The following HEATR6 variants were observed in gnomAD, a reference collection of about 807,000 sequenced individuals.
The protein encoded by HEATR6 is HEAT repeat-containing protein 6.
In HEATR6, 106 loss-of-function variants were observed where a neutral mutation model predicts 132.8. The ratio of observed to expected loss-of-function variants is 0.80; its 90% CI spans 0.68 to 0.94. The LOEUF is 0.94. Among genes scored for constraint, HEATR6 ranks in the 40% least tolerant of loss-of-function variants. HEATR6 has a pLI of 0.00. For missense variants in HEATR6, 1,339 were observed against 1,425.1 expected, an observed-to-expected ratio of 0.94 and a Z score of 0.97; for synonymous variants, 529 against 537.8, an observed-to-expected ratio of 0.98 and a Z score of 0.23.
intron 18 of HEATR6, among the ~76,000 whole-genome samples, chr17:60,046,962 C>G (rs936611220): frequency 6.6e-6 from 1 of 151,916 alleles, no homozygotes; most frequent in African/African-American, 2.4e-5. Flanking sequence ...GCTTTTTAAA[C>G]TTATTAGTTT....
rs2083279505 is a variant in HEATR6, at chr17:60,073,388, A to G, written c.469-109T>C. 11 of 668,598 alleles carry G rather than the reference A, an allele frequency of 1.6e-5. No homozygotes were observed. In the Admixed American group the frequency reaches 2.9e-4, roughly 18 times the overall value. 41.4% of individuals were successfully genotyped at this position (668,598 alleles called of 1,614,324 possible). A position where few individuals can be genotyped will look rare whatever the true frequency, so the allele number is the denominator to read the frequency against. On this transcript the variant is annotated intron_variant, in intron 3 of 19. Coordinates refer to ENST00000184956, the MANE Select transcript of HEATR6 (RefSeq NM_022070.5). The stretch of plus-strand genomic sequence containing the variant: ...TTAACTAAATGGCAGTTAAGCACCA[A>G]AAGACTAGCTGTTAGATAAATGTCT...
intron 13 of HEATR6, 126 bp from the exon 14 acceptor site, chr17:60,055,727 G>GAGTGACACCTTCACTCT: frequency 3.4e-6 from 2 of 582,522 alleles, no homozygotes; most frequent in East Asian, 2.9e-5. Context: ...ACCTTCACTC[G>GAGTGACACCTTCACTCT]AGTGACACCT....
chr17:60,055,669 T>C, intron 13 of HEATR6, 68 bp from the exon 14 acceptor site: 2 of 1,053,384 alleles, frequency 1.9e-6, no homozygotes, highest in South Asian at 2.8e-5. Context: ...GAGTAACACC[T>C]TCACTCTAGT....
At chr17:60,055,807 A>C (rs1906725743) in intron 13 of HEATR6, among the ~76,000 whole-genome samples, 1 of 152,240 alleles carries the variant, frequency 6.6e-6, no homozygotes, top group African/African-American at 2.4e-5. Flanking sequence ...AATCAAGGGG[A>C]AACATAATTT....
intron 7 of HEATR6, among the ~76,000 whole-genome samples, chr17:60,068,342 G>A (rs2083253384): frequency 6.6e-6 from 1 of 151,716 alleles, no homozygotes; most frequent in Non-Finnish European, 1.5e-5. Context: ...TGATATCCAA[G>A]TATATCTGGA....
intron 18 of HEATR6, among the ~76,000 whole-genome samples, 190 bp from the exon 19 acceptor site, chr17:60,046,419 A>ATTAT (rs912598619): frequency 4.6e-5 from 7 of 152,070 alleles, no homozygotes; most frequent in South Asian, 2.1e-4. Flanking sequence ...CCTCTCTCTG[A>ATTAT]TTATTTATTT....
chr17:60,052,658 A>G (rs1906620974), intron 14 of HEATR6, among the ~76,000 whole-genome samples: 3 of 152,224 alleles, frequency 2.0e-5, no homozygotes, highest in African/African-American at 7.2e-5. Flanking sequence ...AAGGGAAAAG[A>G]ATAGGCAGAA....
At position 60,074,192 on chromosome 17, in the gene HEATR6, A is replaced by G. The variant is rs2083285593; in HGVS notation, c.328-306T>C. ...TACACAGATATGAGTATTTCAACGC[A>G]CTGAAATTTAATTAAACTGCCTTAT... On this transcript the variant is annotated intron_variant, in intron 2 of 19. Coordinates refer to ENST00000184956, the MANE Select transcript of HEATR6 (RefSeq NM_022070.5). 7 of 1,002,830 alleles carry G rather than the reference A, an allele frequency of 7.0e-6. 1 individual carries two copies. The highest frequency in any genetic ancestry group is 4.5e-4 in the Middle Eastern group (1 of 2,222). 62.1% of individuals were successfully genotyped at this position (1,002,830 alleles called of 1,614,324 possible).
In HEATR6 at chr17:60,041,972, G is replaced by A. The variant is rs540545352; in HGVS notation, c.*1591C>T. Among the ~76,000 whole-genome samples, 16 of 152,112 alleles carry A rather than the reference G, an allele frequency of 1.1e-4. No individual in the cohort carries two copies. The highest frequency in any genetic ancestry group is 3.6e-4 in the African/African-American group (15 of 41,478). On this transcript the variant is annotated 3_prime_UTR_variant, in exon 20 of 20. Coordinates refer to ENST00000184956, the MANE Select transcript of HEATR6 (RefSeq NM_022070.5). Reference sequence around the variant, plus strand: ...TAATTGAAATCAATTCCAATAAATCGTTGGTGCTCAGTAGAAAAATGCAAA... The same window carrying A: ...TAATTGAAATCAATTCCAATAAATCATTGGTGCTCAGTAGAAAAATGCAAA...
At chr17:60,048,924 T>TA (rs1906462325) in intron 16 of HEATR6, among the ~76,000 whole-genome samples, 1 of 146,256 alleles carries the variant, frequency 6.8e-6, no homozygotes, top group Non-Finnish European at 1.5e-5. Flanking sequence ...ATTGGGTGCC[T>TA]AAGGTCCCAG....
At chr17:60,078,671 G>C (rs1281310114) in intron 1 of HEATR6, 25 bp downstream of exon 1, 3 of 1,521,694 alleles carry the variant, frequency 2.0e-6, no homozygotes, top group Admixed American at 4.0e-5. Flanking sequence ...GGCCGGGGCC[G>C]GGGCCAGCAG....
chr17:60,061,650 A>C (rs2083211908), intron 9 of HEATR6, among the ~76,000 whole-genome samples: 1 of 152,268 alleles, frequency 6.6e-6, no homozygotes, highest in African/African-American at 2.4e-5. Flanking sequence ...TTTACGGACA[A>C]TGCAATCTGA....
At chr17:60,061,620 T>C (rs1224348434) in intron 9 of HEATR6, among the ~76,000 whole-genome samples, 1 of 152,266 alleles carries the variant, frequency 6.6e-6, no homozygotes, top group African/African-American at 2.4e-5. Context: ...TAAACGTGGT[T>C]GCGTTCCAAA....
rs572582875 is a variant in HEATR6, at chr17:60,060,219, G to A, written c.1417-123C>T. 1,649 of 688,148 alleles carry A rather than the reference G, an allele frequency of 2.4e-3. 7 individuals carry two copies. The highest frequency in any genetic ancestry group is 3.0e-3 in the Non-Finnish European group (1,252 of 410,664). 42.6% of individuals were successfully genotyped at this position (688,148 alleles called of 1,614,324 possible). ...TTTAATTGGAAGAATAAAGGCAATG[G>A]GATTATCTGTTAGTTCCTAAAAACT... On this transcript the variant is annotated intron_variant, in intron 9 of 19. Coordinates refer to ENST00000184956, the MANE Select transcript of HEATR6 (RefSeq NM_022070.5).
intron 11 of HEATR6, 81 bp downstream of exon 11, chr17:60,059,341 T>G (rs1906856612): frequency 4.0e-6 from 3 of 747,194 alleles, no homozygotes; most frequent in South Asian, 1.9e-5. Flanking sequence ...AATATATACA[T>G]ATATCTATAT....
intron 14 of HEATR6, among the ~76,000 whole-genome samples, chr17:60,052,023 C>T (rs1420193922): frequency 1.3e-5 from 2 of 152,212 alleles, no homozygotes; most frequent in Non-Finnish European, 2.9e-5. Context: ...ATAAAAAGCA[C>T]CACAGCTCTG....
At chr17:60,070,915 G>A in intron 5 of HEATR6, 108 bp from the exon 6 acceptor site, 2 of 643,872 alleles carry the variant, frequency 3.1e-6, no homozygotes, top group Non-Finnish European at 2.8e-6. Flanking sequence ...TCTAGATGAT[G>A]AAAAAAAACT....
intron 15 of HEATR6, among the ~76,000 whole-genome samples, chr17:60,050,164 GA>G (rs1320172245): frequency 1.3e-5 from 2 of 152,240 alleles, no homozygotes; most frequent in Non-Finnish European, 1.5e-5. Flanking sequence ...TCATGAAAGA[GA>G]TTAGTGCCCT....
chr17:60,056,572 C>G (rs866462425), intron 12 of HEATR6, among the ~76,000 whole-genome samples: 18 of 152,284 alleles, frequency 1.2e-4, no homozygotes, highest in Middle Eastern at 6.8e-3. Flanking sequence ...TAATCAGCAG[C>G]AGACCTCAGG....
Sources: gnomAD v4.1 joint callset for allele counts (sites outside exome capture counted in the v4.1 genomes callset) on GRCh38, gnomAD v4.1.1 for gene constraint, MANE v1.5 for transcripts, NCBI Gene and HGNC (gene_info 2026-07-23, HGNC 2026-07-21) for gene names.